Variants in CHODL observed in about 807,000 individuals in gnomAD.
CHODL encodes the protein transmembrane protein MT75.
In CHODL, 29 loss-of-function variants were observed where a neutral mutation model predicts 34.5. The observed-to-expected ratio is 0.84, with a 90% CI of 0.63 to 1.15. The LOEUF (loss-of-function observed/expected upper bound fraction) is 1.15. Among genes scored for constraint, CHODL ranks in the 50% most tolerant of loss-of-function variants. The pLI, the probability that CHODL is intolerant of heterozygous loss-of-function variation, is 0.00. For synonymous variants in CHODL, 125 were observed against 116.1 expected (o/e 1.08, Z -0.49); for missense variants, 332 against 332.5 (o/e 1.00, Z 0.01).
intron 2 of CHODL, among the ~76,000 whole-genome samples, chr21:18,192,477 G>T (rs574165541): frequency 1.1e-4 from 16 of 152,072 alleles, no homozygotes; most frequent in African/African-American, 3.6e-4. Flanking sequence ...CATAAGTTTC[G>T]CATGAAAGGC....
intron 2 of CHODL, among the ~76,000 whole-genome samples, chr21:18,045,723 T>C (rs1269165257): frequency 6.6e-6 from 1 of 151,970 alleles, no homozygotes; most frequent in Non-Finnish European, 1.5e-5. Flanking sequence ...GTGTGACCTT[T>C]GGGAGGTAAT....
At position 18,022,213 on chromosome 21, in the gene CHODL, C is replaced by T. The variant is rs117736126; in HGVS notation, c.-144-5659C>T. ...GGTGTCAGCTGGGTTGTGCTTTCTT[C>T]AAAGGGTCCGGGAAAGATTTCCTCC... On this transcript the variant is annotated intron_variant, in intron 1 of 6. Coordinates refer to the CHODL transcript ENST00000400127. 1.1e-3 allele frequency among the ~76,000 whole-genome samples: 162 copies of T among 152,278 alleles called. 3 individuals carry two copies. In the East Asian group the frequency reaches 0.029, roughly 27 times the overall value.
At chr21:17,917,736 A>G (rs1208389683) in intron 1 of CHODL, among the ~76,000 whole-genome samples, 1 of 152,224 alleles carries the variant, frequency 6.6e-6, no homozygotes, top group African/African-American at 2.4e-5. Context: ...TGTGGTTCAC[A>G]AATGTCTATC....
In CHODL at chr21:18,013,739, A is replaced by G. The variant is rs1414029930; in HGVS notation, c.-144-14133A>G. Among the ~76,000 whole-genome samples, 4 of 148,022 alleles carry G rather than the reference A, an allele frequency of 2.7e-5. No individual in the cohort carries two copies. The East Asian group carries it at 8.0e-4, about 29-fold the overall frequency. ...AACCTCTGCCGCCTGGGTTCAAGCA[A>G]TTCTCCTCTCTCAGCCTCCTGAGTA... On this transcript the variant is annotated intron_variant, in intron 1 of 6. Transcript: ENST00000400127.
At chr21:17,934,472 A>C (rs909276023) in intron 1 of CHODL, among the ~76,000 whole-genome samples, 3 of 151,924 alleles carry the variant, frequency 2.0e-5, no homozygotes, top group African/African-American at 7.3e-5. Flanking sequence ...GTGTTTTCAT[A>C]AATGTTTTAA....
rs1286252444 is a variant in CHODL at position 18,245,156 on chromosome 21, C to G, written c.-68C>G. 3 of 1,329,630 alleles carry G rather than the reference C, an allele frequency of 2.3e-6. No homozygotes were observed. Among genetic ancestry groups the G allele is most frequent in the East Asian group, 6.0e-5 (2 of 33,314 alleles). 82.4% of individuals were successfully genotyped at this position (1,329,630 alleles called of 1,614,324 possible). A position where few individuals can be genotyped will look rare whatever the true frequency, so the allele number is the denominator to read the frequency against. ...GGCAGGGAGGCTGCAGAGTCAGAGT[C>G]GCGGGCTGCGCCCTGGGCAGAGGCC... On this transcript the variant is annotated 5_prime_UTR_variant, in exon 1 of 6. Coordinates refer to ENST00000299295, the MANE Select transcript of CHODL (RefSeq NM_024944.3).
At chr21:17,973,417 CT>C (rs3077803) in intron 1 of CHODL, among the ~76,000 whole-genome samples, 9,262 of 123,314 alleles carry the variant, frequency 0.075, 224 homozygotes, top group South Asian at 0.1. Context: ...TTCTTTCTTT[CT>C]TTTTTTTTTT....
intron 1 of CHODL, among the ~76,000 whole-genome samples, chr21:17,971,970 A>G (rs965033152): frequency 6.6e-6 from 1 of 152,214 alleles, no homozygotes; most frequent in African/African-American, 2.4e-5. Context: ...ACCACGAACA[A>G]GTCGGCTTCA....
At position 18,266,409 on chromosome 21, in the gene CHODL, T is replaced by C. The variant is rs775927673; in HGVS notation, c.*371T>C. Reference sequence around the variant, plus strand: ...TATCTAGTCAATGTAATGTATATTGTATTGAAATTTACAGTGTGCAAAAGT... The same window carrying C: ...TATCTAGTCAATGTAATGTATATTGCATTGAAATTTACAGTGTGCAAAAGT... On this transcript the variant is annotated 3_prime_UTR_variant, in exon 6 of 6. Coordinates refer to ENST00000299295, the MANE Select transcript of CHODL (RefSeq NM_024944.3). 8.7e-6 allele frequency: 3 copies of C among 343,274 alleles called. No individual in the cohort carries two copies. The highest frequency in any genetic ancestry group is 1.6e-5 in the Non-Finnish European group (3 of 187,430). 21.3% of individuals were successfully genotyped at this position (343,274 alleles called of 1,614,324 possible).
At chr21:18,193,708 AAATAAAAT>A (rs1166145190) in intron 2 of CHODL, among the ~76,000 whole-genome samples, 20 of 142,000 alleles carry the variant, frequency 1.4e-4, no homozygotes, top group African/African-American at 5.3e-4. Context: ...AAAAAAAAAA[AAATAAAAT>A]AAATAAATAA....
intron 2 of CHODL, among the ~76,000 whole-genome samples, chr21:18,122,280 C>CT (rs1479449506): frequency 1.8e-4 from 27 of 152,098 alleles, no homozygotes; most frequent in Non-Finnish European, 1.5e-5. Flanking sequence ...GACATACATT[C>CT]TTTTTAAAAC....
chr21:18,194,840 A>G (rs991486779), intron 2 of CHODL, among the ~76,000 whole-genome samples: 5 of 152,096 alleles, frequency 3.3e-5, no homozygotes, highest in African/African-American at 1.2e-4. Context: ...AAAATGACAA[A>G]AAATTGCACT....
chr21:18,220,105 G>T (rs966242427), intron 2 of CHODL, among the ~76,000 whole-genome samples: 1 of 152,038 alleles, frequency 6.6e-6, no homozygotes, highest in South Asian at 2.1e-4. Flanking sequence ...TTTGATTTTT[G>T]TATATGATAG....
chr21:18,143,622 A>G (rs1448100928), intron 2 of CHODL, among the ~76,000 whole-genome samples: 3 of 152,116 alleles, frequency 2.0e-5, no homozygotes, highest in Non-Finnish European at 2.9e-5. Flanking sequence ...TTTCTCATCT[A>G]TAAGACGGGA....
At chr21:18,008,093 A>T (rs1725910157) in intron 1 of CHODL, among the ~76,000 whole-genome samples, 2 of 152,144 alleles carry the variant, frequency 1.3e-5, no homozygotes, top group Admixed American at 1.3e-4. Context: ...TGTTAAGTTG[A>T]AAAACATTTA....
intron 2 of CHODL, among the ~76,000 whole-genome samples, chr21:18,072,747 G>A (rs1198695556): frequency 4.6e-5 from 7 of 151,980 alleles, no homozygotes; most frequent in African/African-American, 1.7e-4. Flanking sequence ...CATAACCTTG[G>A]CAGATGGATC....
At chr21:17,920,569 G>A (rs1157812755) in intron 1 of CHODL, among the ~76,000 whole-genome samples, 3 of 152,224 alleles carry the variant, frequency 2.0e-5, no homozygotes, top group Admixed American at 2.0e-4. Context: ...TGGGATTTGG[G>A]TGGGGACACA....
chr21:18,256,977 T>C lies in CHODL; in HGVS notation c.397T>C (p.Tyr133His). 1 of 1,612,616 alleles carries C rather than the reference T, an allele frequency of 6.2e-7. No homozygotes were observed. Among genetic ancestry groups the C allele is most frequent in the Non-Finnish European group, 8.5e-7 (1 of 1,179,340 alleles). ...DGSNSQYRNW[Y>H]TDEPSCGSEK... is the part of the protein sequence containing the mutation. ...ATTACTCTCTGTTTGCAGAAACTGG[T>C]ACACAGATGAACCTTCCTGCGGAAG... is the stretch of plus-strand genomic sequence containing the variant. Residue 133 changes from tyrosine (Y) to histidine (H), a missense_variant, in exon 3 of 6, where the codon TAC becomes CAC. Coordinates refer to ENST00000299295, the MANE Select transcript of CHODL (RefSeq NM_024944.3).
chr21:18,050,407 C>T (rs2064499114), intron 2 of CHODL, among the ~76,000 whole-genome samples: 1 of 151,976 alleles, frequency 6.6e-6, no homozygotes, highest in Non-Finnish European at 1.5e-5. Flanking sequence ...ACAACTCTTA[C>T]TCTTACTGCT....
Sources: gnomAD v4.1 joint callset for allele counts (sites outside exome capture counted in the v4.1 genomes callset) on GRCh38, gnomAD v4.1.1 for gene constraint, MANE v1.5 for transcripts, NCBI Gene and HGNC (gene_info 2026-07-23, HGNC 2026-07-21) for gene names.